The following TLE4 variants were observed in gnomAD, a reference collection of about 807,000 sequenced individuals.
TLE4 encodes the protein TLE family member 4, transcriptional corepressor.
TLE4 carries 8 observed loss-of-function variants against 92.8 expected under a neutral mutation model. The ratio of observed to expected loss-of-function variants is 0.09; its 90% CI spans 0.05 to 0.16. The LOEUF (loss-of-function observed/expected upper bound fraction) is 0.16. Among genes scored for constraint, TLE4 ranks in the 10% least tolerant of loss-of-function variants. TLE4 has a pLI of 1.00. For synonymous variants in TLE4, 371 were observed against 374.1 expected, an observed-to-expected ratio of 0.99 and a Z score of 0.10; for missense variants, 675 against 997.6, an observed-to-expected ratio of 0.68 and a Z score of 4.36.
At chr9:79,598,806 G>A (rs765517470) in intron 4 of TLE4, among the ~76,000 whole-genome samples, 2 of 151,998 alleles carry the variant, frequency 1.3e-5, no homozygotes, top group Non-Finnish European at 2.9e-5. Flanking sequence ...TTAACACATG[G>A]CGTTTGTTAT....
intron 5 of TLE4, among the ~76,000 whole-genome samples, chr9:79,626,428 T>C (rs1462303450): frequency 6.6e-6 from 1 of 152,208 alleles, no homozygotes; most frequent in East Asian, 1.9e-4. Flanking sequence ...GTTCCTTTGG[T>C]TCTTCATTCA....
At chr9:79,665,280 T>C (rs2061210031) in intron 8 of TLE4, among the ~76,000 whole-genome samples, 1 of 152,194 alleles carries the variant, frequency 6.6e-6, no homozygotes, top group South Asian at 2.1e-4. Flanking sequence ...AATATTTAAA[T>C]CAGTAGGTAT....
At chr9:79,673,646 AT>A (rs1214382201) in intron 8 of TLE4, among the ~76,000 whole-genome samples, 2 of 152,158 alleles carry the variant, frequency 1.3e-5, no homozygotes, top group Non-Finnish European at 2.9e-5. Context: ...CTCCTTGCCT[AT>A]TTTAGTTTCT....
At chr9:79,721,446 G>A (rs2075627247) in intron 16 of TLE4, among the ~76,000 whole-genome samples, 1 of 152,096 alleles carries the variant, frequency 6.6e-6, no homozygotes, top group Admixed American at 6.5e-5. Flanking sequence ...ATGTGTAGGC[G>A]TGTTTTCTTT....
chr9:79,610,087 T>G (rs1029978708), intron 4 of TLE4, among the ~76,000 whole-genome samples: 10 of 152,172 alleles, frequency 6.6e-5, no homozygotes, highest in South Asian at 4.1e-4. Flanking sequence ...CTTTGATGAA[T>G]CTGCTCCTTA....
intron 8 of TLE4, among the ~76,000 whole-genome samples, chr9:79,701,763 G>C (rs1160564316): frequency 6.6e-6 from 1 of 152,200 alleles, no homozygotes; most frequent in Non-Finnish European, 1.5e-5. Flanking sequence ...AAGAGATTTG[G>C]AGTGAGATTG....
intron 6 of TLE4, among the ~76,000 whole-genome samples, chr9:79,631,616 A>ATGTGTG (rs57129541): frequency 0.2 from 23,700 of 117,970 alleles, 2,938 homozygotes; most frequent in Non-Finnish European, 0.26. Flanking sequence ...TGAACCTTAA[A>ATGTGTG]TGTGTGTGTG....
intron 4 of TLE4, among the ~76,000 whole-genome samples, chr9:79,582,848 T>G (rs2040053589): frequency 6.6e-6 from 1 of 152,142 alleles, no homozygotes; most frequent in Non-Finnish European, 1.5e-5. Flanking sequence ...AGCTAAGTTA[T>G]TACCAGTTTT....
intron 15 of TLE4, among the ~76,000 whole-genome samples, chr9:79,719,303 C>T (rs2075171927): frequency 6.6e-6 from 1 of 151,926 alleles, no homozygotes; most frequent in African/African-American, 2.4e-5. Context: ...TCATCTGTCA[C>T]ATGTAAAGAG....
chr9:79,617,788 G>C (rs1437225677), intron 5 of TLE4, among the ~76,000 whole-genome samples: 2 of 149,564 alleles, frequency 1.3e-5, no homozygotes, highest in Non-Finnish European at 3.0e-5. Flanking sequence ...CTCACTGAAT[G>C]TTTGGCTGCT....
intron 1 of TLE4, 41 bp from the exon 2 acceptor site, chr9:79,573,648 T>A (rs1291594683): frequency 3.3e-6 from 5 of 1,500,980 alleles, no homozygotes; most frequent in Non-Finnish European, 4.6e-6. Flanking sequence ...CTGCTTCGCC[T>A]GTGATGTGGG....
chr9:79,716,219 C>G (rs2136150493), intron 14 of TLE4, among the ~76,000 whole-genome samples: 1 of 152,318 alleles, frequency 6.6e-6, no homozygotes, highest in Non-Finnish European at 1.5e-5. Context: ...CCACCGAATG[C>G]ACTCTGGCCT....
At chr9:79,599,860 C>G (rs539856926) in intron 4 of TLE4, among the ~76,000 whole-genome samples, 1 of 152,312 alleles carries the variant, frequency 6.6e-6, no homozygotes, top group African/African-American at 2.4e-5. Context: ...AGGGCTCTCT[C>G]TTACACCCCC....
At chr9:79,617,933 G>A (rs2050045788) in intron 5 of TLE4, among the ~76,000 whole-genome samples, 1 of 152,078 alleles carries the variant, frequency 6.6e-6, no homozygotes, top group South Asian at 2.1e-4. Flanking sequence ...TTGTGAATTC[G>A]GTTCCTTTTA....
At chr9:79,635,171 T>G (rs537540879) in intron 6 of TLE4, among the ~76,000 whole-genome samples, 20 of 152,308 alleles carry the variant, frequency 1.3e-4, no homozygotes, top group Admixed American at 4.6e-4. Context: ...TTAGCCATCC[T>G]AATAGGTGCA....
intron 6 of TLE4, among the ~76,000 whole-genome samples, chr9:79,633,289 G>A (rs1046314356): frequency 6.6e-6 from 1 of 152,054 alleles, no homozygotes; most frequent in African/African-American, 2.4e-5. Context: ...TGTGCTCTCC[G>A]TTATTTTCTA....
chr9:79,652,098 A>AT (rs1446352883), intron 6 of TLE4, among the ~76,000 whole-genome samples: 1 of 94,788 alleles, frequency 1.1e-5, no homozygotes, highest in East Asian at 4.9e-4. Flanking sequence ...GAAAGGTAGC[A>AT]TTTATTGACT....
chr9:79,580,074 A>G (rs940519638), intron 4 of TLE4: 2 of 152,232 alleles, frequency 1.3e-5, no homozygotes, highest in Admixed American at 6.5e-5. Context: ...GCAGGTTGTT[A>G]AGAAGAAATT....
chr9:79,714,244 ACTCCCTTT>A (rs1193338609), intron 14 of TLE4, among the ~76,000 whole-genome samples: 1 of 151,992 alleles, frequency 6.6e-6, no homozygotes, highest in Non-Finnish European at 1.5e-5. Flanking sequence ...GTAATGGCAC[ACTCCCTTT>A]ATCCCTCAAA....
Sources: allele counts gnomAD v4.1 joint callset (sites outside exome capture counted in the v4.1 genomes callset), GRCh38; gene constraint gnomAD v4.1.1; transcripts MANE v1.5; gene names NCBI Gene and HGNC (gene_info 2026-07-23, HGNC 2026-07-21).